BRINP2: variants seen among roughly 807,000 people sequenced by gnomAD.
BRINP2 encodes BMP/retinoic acid-inducible neural-specific protein 2.
BRINP2 carries 21 observed loss-of-function variants against 69.2 expected under a neutral mutation model. That is an observed-to-expected ratio of 0.30 (90% CI 0.22 to 0.44). BRINP2 has a LOEUF of 0.44. BRINP2 is among the 20% of genes least tolerant of loss of function. The pLI is 1.00. For synonymous variants in BRINP2, 380 were observed against 394.1 expected (o/e 0.96, Z 0.42); for missense variants, 877 against 986.0 (o/e 0.89, Z 1.48).
At position 177,282,135 on chromosome 1, in the gene BRINP2, G is replaced by C. The variant is rs1050492551; in HGVS notation, c.*607G>C. The C allele has an allele frequency of 1.3e-5, 2 of 152,748 alleles. No homozygotes were observed. Among genetic ancestry groups the C allele is most frequent in the African/African-American group, 4.8e-5 (2 of 41,382 alleles). The allele number at this position is 152,748 out of a possible 1,614,324, so 9.5% of individuals were successfully genotyped here. A position where few individuals can be genotyped will look rare whatever the true frequency, so the allele number is the denominator to read the frequency against. ...GCCAAGGGCAGGCAGCGGCCTCCTT[G>C]CTCCCCTCCCTTACTCCTCCCTCTG... On this transcript the variant is annotated 3_prime_UTR_variant, in exon 8 of 8. Coordinates refer to ENST00000361539, the MANE Select transcript of BRINP2 (RefSeq NM_021165.4).
chr1:177,241,032 T>C lies in BRINP2; in HGVS notation c.269+10887T>C, dbSNP rs113522967. 2.3e-3 allele frequency among the ~76,000 whole-genome samples: 355 copies of C among 151,912 alleles called. 2 individuals are homozygous for C. Among genetic ancestry groups the C allele is most frequent in the African/African-American group, 7.9e-3 (328 of 41,428 alleles). On this transcript the variant is annotated intron_variant, in intron 2 of 7. Transcript: ENST00000361539. ...TGTCACCCAGGCTGGAGTACAGTGG[T>C]GCGATCTCAGCTCACTGTAAACTCC... is the stretch of plus-strand genomic sequence containing the variant.
intron 4 of BRINP2, among the ~76,000 whole-genome samples, chr1:177,272,783 T>C (rs1354100290): frequency 2.0e-5 from 3 of 152,230 alleles, no homozygotes; most frequent in Non-Finnish European, 4.4e-5. Flanking sequence ...TCATTCTTAT[T>C]ACATAATTAT....
chr1:177,253,727 G>T (rs899792683), intron 2 of BRINP2, among the ~76,000 whole-genome samples: 1 of 152,096 alleles, frequency 6.6e-6, no homozygotes, highest in African/African-American at 2.4e-5. Context: ...GTGAAAGATA[G>T]TTTTATTCTT....
chr1:177,268,284 C>T (rs1651191437), intron 4 of BRINP2, among the ~76,000 whole-genome samples: 1 of 152,240 alleles, frequency 6.6e-6, no homozygotes, highest in Non-Finnish European at 1.5e-5. Flanking sequence ...CCTGGATATA[C>T]ACAGCAGCAC....
At chr1:177,252,011 CT>C (rs1650600494) in intron 2 of BRINP2, among the ~76,000 whole-genome samples, 2 of 152,130 alleles carry the variant, frequency 1.3e-5, no homozygotes, top group Non-Finnish European at 2.9e-5. Context: ...TGTTTATTTG[CT>C]TTTAGTAATC....
chr1:177,187,645 T>A (rs183066634), intron 1 of BRINP2, among the ~76,000 whole-genome samples: 1 of 152,160 alleles, frequency 6.6e-6, no homozygotes, highest in East Asian at 1.9e-4. Context: ...TGAAGGCCGC[T>A]CAACCACTCA....
At chr1:177,190,724 C>T (rs1269084446) in intron 1 of BRINP2, among the ~76,000 whole-genome samples, 3 of 152,174 alleles carry the variant, frequency 2.0e-5, no homozygotes. Flanking sequence ...CAAAGTGATA[C>T]ACAGTTGGGT....
chr1:177,251,835 C>T (rs773535132), intron 2 of BRINP2, among the ~76,000 whole-genome samples: 24 of 152,076 alleles, frequency 1.6e-4, no homozygotes, highest in Non-Finnish European at 3.2e-4. Context: ...CTTTCCTTTC[C>T]GTGAGGGGCT....
At chr1:177,270,551 G>A (rs544219018) in intron 4 of BRINP2, among the ~76,000 whole-genome samples, 1 of 151,956 alleles carries the variant, frequency 6.6e-6, no homozygotes, top group Non-Finnish European at 1.5e-5. Flanking sequence ...AGGGAGAAGT[G>A]GGGGGAAAGG....
chr1:177,262,952 G>A (rs925490753), intron 4 of BRINP2, among the ~76,000 whole-genome samples: 5 of 152,146 alleles, frequency 3.3e-5, no homozygotes, highest in Non-Finnish European at 1.5e-5. Flanking sequence ...GCTACATTTA[G>A]CAGTTCATGT....
intron 1 of BRINP2, among the ~76,000 whole-genome samples, chr1:177,229,352 A>T (rs1268182238): frequency 6.6e-6 from 1 of 152,182 alleles, no homozygotes; most frequent in Non-Finnish European, 1.5e-5. Context: ...CTCACCTTAC[A>T]TCAAACTTCG....
chr1:177,186,728 A>C (rs895411180), intron 1 of BRINP2, among the ~76,000 whole-genome samples: 3 of 152,046 alleles, frequency 2.0e-5, no homozygotes, highest in Admixed American at 2.0e-4. Context: ...GGTTACTTTA[A>C]TTTTCTCCTT....
At chr1:177,180,662 C>T (rs1382094271) in intron 1 of BRINP2, among the ~76,000 whole-genome samples, 1 of 152,060 alleles carries the variant, frequency 6.6e-6, no homozygotes, top group Non-Finnish European at 1.5e-5. Context: ...TGGAGCAGGC[C>T]TAGGGGGTCT....
intron 4 of BRINP2, among the ~76,000 whole-genome samples, chr1:177,257,817 A>G (rs1650819056): frequency 6.6e-6 from 1 of 152,346 alleles, no homozygotes; most frequent in African/African-American, 2.4e-5. Context: ...GCTCTGAATG[A>G]TAAGAAACCA....
chr1:177,173,238 A>T (rs1429117002), intron 1 of BRINP2, among the ~76,000 whole-genome samples: 1 of 152,224 alleles, frequency 6.6e-6, no homozygotes, highest in Non-Finnish European at 1.5e-5. Context: ...TGTCTTATCA[A>T]TATCAGAGCT....
intron 2 of BRINP2, among the ~76,000 whole-genome samples, 154 bp from the exon 3 acceptor site, chr1:177,255,765 C>T (rs980443846): frequency 6.6e-6 from 1 of 152,238 alleles, no homozygotes; most frequent in Non-Finnish European, 1.5e-5. Flanking sequence ...GCCAAGGGGC[C>T]TCTTCCAGGC....
intron 1 of BRINP2, among the ~76,000 whole-genome samples, chr1:177,172,073 A>C (rs2102282247): frequency 6.6e-6 from 1 of 152,332 alleles, no homozygotes; most frequent in South Asian, 2.1e-4. Flanking sequence ...GGGCTGCATA[A>C]TTGCAGAAGA....
At chr1:177,269,285 C>T (rs988708476) in intron 4 of BRINP2, among the ~76,000 whole-genome samples, 1 of 152,176 alleles carries the variant, frequency 6.6e-6, no homozygotes, top group Non-Finnish European at 1.5e-5. Flanking sequence ...TGGGGTATCA[C>T]CAAATGATAC....
intron 2 of BRINP2, among the ~76,000 whole-genome samples, chr1:177,235,253 TGTCTATACTAA>T (rs1258211302): frequency 6.6e-6 from 1 of 152,152 alleles, no homozygotes; most frequent in Admixed American, 6.5e-5. Context: ...GTACTGCACT[TGTCTATACTAA>T]GTATTTGGAG....
Sources: gnomAD v4.1 joint callset for allele counts (sites outside exome capture counted in the v4.1 genomes callset) on GRCh38, gnomAD v4.1.1 for gene constraint, MANE v1.5 for transcripts, NCBI Gene and HGNC (gene_info 2026-07-23, HGNC 2026-07-21) for gene names.